GAGE10: variants seen among roughly 807,000 people sequenced by gnomAD.
The protein encoded by GAGE10 is G antigen 10.
GAGE10 carries 9 observed loss-of-function variants against 11.5 expected under a neutral mutation model. That is an observed-to-expected ratio of 0.78 (90% CI 0.47 to 1.37). The LOEUF (loss-of-function observed/expected upper bound fraction) is 1.37. Ranked by LOEUF, GAGE10 falls within the 40% of genes most tolerant of loss-of-function variation. The probability of loss-of-function intolerance (pLI) is 0.00; values close to 1 mark genes in which losing one functional copy is unlikely to be tolerated. For missense variants in GAGE10, 83 were observed against 92.9 expected, an observed-to-expected ratio of 0.89 and a Z score of 0.44; for synonymous variants, 23 against 29.7, an observed-to-expected ratio of 0.77 and a Z score of 0.73.
At chrX:49,312,226 T>C (rs1322874644) in intron 3 of GAGE10, among the ~76,000 whole-genome samples, 1 of 112,353 alleles carries the variant, frequency 8.9e-6, no homozygotes, top group African/African-American at 3.2e-5. Context: ...GGGTATGCAG[T>C]AGTGACCCAA....
At chrX:49,309,007 G>A (rs1243711501) in intron 3 of GAGE10, among the ~76,000 whole-genome samples, 6 of 112,335 alleles carry the variant, frequency 5.3e-5, no homozygotes, top group Admixed American at 2.8e-4. Context: ...ATCCCTTAGC[G>A]TGGGCTGTGT....
chrX:49,317,709 T>C (rs1478456506), intron 4 of GAGE10, among the ~76,000 whole-genome samples: 2 of 111,677 alleles, frequency 1.8e-5, no homozygotes, highest in Non-Finnish European at 3.8e-5. Flanking sequence ...AGAGTTCTTA[T>C]ATGAAGGTTA....
intron 3 of GAGE10, among the ~76,000 whole-genome samples, chrX:49,314,693 G>A: frequency 8.9e-6 from 1 of 112,003 alleles, no homozygotes; most frequent in Non-Finnish European, 1.9e-5. Flanking sequence ...ATTTTGTTCA[G>A]TCAGTGCCTG....
intron 3 of GAGE10, among the ~76,000 whole-genome samples, chrX:49,308,231 C>T (rs1488139170): frequency 8.9e-6 from 1 of 112,256 alleles, no homozygotes; most frequent in Non-Finnish European, 1.9e-5. Context: ...TCCTCCTCAA[C>T]CCCTCGGTCT....
At chrX:49,310,848 G>T (rs1308392238) in intron 3 of GAGE10, among the ~76,000 whole-genome samples, 2 of 111,435 alleles carry the variant, frequency 1.8e-5, no homozygotes, top group Admixed American at 1.9e-4. Flanking sequence ...TATTATTAGG[G>T]GACAAGAAGT....
intron 3 of GAGE10, among the ~76,000 whole-genome samples, chrX:49,306,556 T>C (rs1295626698): frequency 2.7e-5 from 3 of 112,244 alleles, no homozygotes; most frequent in African/African-American, 9.7e-5. Flanking sequence ...CCTTCAGAAA[T>C]TGACATTGTA....
intron 4 of GAGE10, 60 bp downstream of exon 4, chrX:49,317,348 AATT>A: frequency 3.5e-6 from 4 of 1,149,411 alleles, no homozygotes; most frequent in South Asian, 3.6e-5. Flanking sequence ...ATCGTATCAT[AATT>A]ATTATTACAT....
At chrX:49,308,752 AGTGTGTGGGT>A in intron 3 of GAGE10, among the ~76,000 whole-genome samples, 1 of 110,647 alleles carries the variant, frequency 9.0e-6, no homozygotes, top group South Asian at 3.8e-4. Context: ...CCCAACTGGG[AGTGTGTGGGT>A]GTGTGTGTGG....
At position 49,305,484 on chromosome X, in the gene GAGE10, T is replaced by C. The variant is rs782463682; in HGVS notation, c.162T>C (p.Ala54=). The change falls in exon 3 of 5, where the codon GCT becomes GCC. Residue 54 remains alanine (A), a synonymous_variant. Coordinates refer to ENST00000407599, the MANE Select transcript of GAGE10 (RefSeq NM_001098413.4). ...CAACTCAACGTCAGGATCCTGCAGC[T>C]GCTCAGGAGGGAGAGGATGAGGGAG... ...EPATQRQDPA[A]AQEGEDEGAS... is the part of the protein sequence containing the mutation. The C allele has an allele frequency of 2.5e-6, 3 of 1,188,814 alleles. No homozygotes were observed. The highest frequency in any genetic ancestry group is 3.4e-6 in the Non-Finnish European group (3 of 890,727).
rs782617514 is a variant in GAGE10, at chrX:49,304,312, G to A, written c.-8-540G>A. Among the ~76,000 whole-genome samples, 82 of 112,619 alleles carry A rather than the reference G, an allele frequency of 7.3e-4. No homozygotes were observed. In the South Asian group the frequency reaches 0.029, roughly 39 times the overall value. ...TGGGAAGGACTGGGAGAGGCTGTGC[G>A]GTCCAATCAAACTTGATTTGAGAGA... On this transcript the variant is annotated intron_variant, in intron 1 of 4. Coordinates refer to ENST00000407599, the MANE Select transcript of GAGE10 (RefSeq NM_001098413.4).
chrX:49,308,901 C>T (rs782761541), intron 3 of GAGE10, among the ~76,000 whole-genome samples: 6 of 111,367 alleles, frequency 5.4e-5, no homozygotes, highest in South Asian at 3.9e-4. Flanking sequence ...CCGTTTTGTC[C>T]GATGAGGAGT....
intron 3 of GAGE10, among the ~76,000 whole-genome samples, chrX:49,314,481 T>C (rs1455825468): frequency 9.8e-5 from 11 of 112,331 alleles, no homozygotes; most frequent in Non-Finnish European, 2.1e-4. Context: ...CAAACCAAAT[T>C]GTAAGACAAG....
chrX:49,312,178 A>T (rs2066377983), intron 3 of GAGE10, among the ~76,000 whole-genome samples: 1 of 112,033 alleles, frequency 8.9e-6, no homozygotes, highest in Admixed American at 9.4e-5. Context: ...TACTTCACTG[A>T]TGGTAGCAGT....
chrX:49,303,941 CCTT>C (rs1288464773), intron 1 of GAGE10, among the ~76,000 whole-genome samples, 188 bp downstream of exon 1: 2 of 111,877 alleles, frequency 1.8e-5, no homozygotes, highest in Non-Finnish European at 3.8e-5. Flanking sequence ...AGGTCGTCCT[CCTT>C]CTCTCAAAGG....
At position 49,305,531 on chromosome X, in the gene GAGE10, G is replaced by T. The variant is rs1557124014; in HGVS notation, c.202+7G>T. ...GGAGCATCTGCAGGTCAAGGTGAGG[G>T]AAAGGGAAGAAGAACGTCTGCTGGT... On this transcript the variant is annotated splice_region_variant and intron_variant, in intron 3 of 4. Transcript: ENST00000407599. 8 of 1,164,677 alleles carry T rather than the reference G, an allele frequency of 6.9e-6. No individual in the cohort carries two copies. In the East Asian group the frequency reaches 2.4e-4, roughly 35 times the overall value.
chrX:49,311,719 C>T (rs1416200187), intron 3 of GAGE10, among the ~76,000 whole-genome samples: 4 of 112,271 alleles, frequency 3.6e-5, no homozygotes, highest in Non-Finnish European at 5.6e-5. Context: ...TGTGGATGAA[C>T]GGAAGGGAAT....
Position 49,317,507 on chromosome X carries a change from C to A in GAGE10, c.328+219C>A, listed in dbSNP as rs182801059. 9.3e-3 allele frequency among the ~76,000 whole-genome samples: 1,034 copies of A among 111,084 alleles called. 8 individuals are homozygous for A. The highest frequency in any genetic ancestry group is 0.015 in the Non-Finnish European group (802 of 52,961). ...GGCTTATGGACATACACCAATGTGCCCAGCTAATTTTTGTATTTTTAGTAG... is the reference window on the plus strand; with the variant it reads ...GGCTTATGGACATACACCAATGTGCACAGCTAATTTTTGTATTTTTAGTAG... On this transcript the variant is annotated intron_variant, in intron 4 of 4. Coordinates refer to ENST00000407599, the MANE Select transcript of GAGE10 (RefSeq NM_001098413.4).
intron 3 of GAGE10, among the ~76,000 whole-genome samples, chrX:49,316,605 T>A (rs2066392642): frequency 8.9e-6 from 1 of 112,107 alleles, no homozygotes; most frequent in African/African-American, 3.2e-5. Context: ...GGAGTCAAGT[T>A]CAGGATCACA....
chrX:49,312,624 A>G (rs2066379195), intron 3 of GAGE10, among the ~76,000 whole-genome samples: 1 of 112,772 alleles, frequency 8.9e-6, no homozygotes, highest in African/African-American at 3.2e-5. Flanking sequence ...AACTCTAGCA[A>G]TGCCTCTCCT....
Sources: allele counts gnomAD v4.1 joint callset (sites outside exome capture counted in the v4.1 genomes callset), GRCh38; gene constraint gnomAD v4.1.1; transcripts MANE v1.5; gene names NCBI Gene and HGNC (gene_info 2026-07-23, HGNC 2026-07-21).